Variants in SGCZ observed in about 807,000 individuals in gnomAD.
SGCZ encodes the protein sarcoglycan zeta.
Under a neutral mutation model 41.3 loss-of-function variants are expected in SGCZ, and 40 were observed. That is an observed-to-expected ratio of 0.97 (90% CI 0.75 to 1.26). SGCZ has a LOEUF of 1.26. SGCZ is among the 50% of genes most tolerant of loss of function. The probability of loss-of-function intolerance (pLI) is 0.00; values close to 1 mark genes in which losing one functional copy is unlikely to be tolerated. For synonymous variants in SGCZ, 206 were observed against 137.5 expected, an observed-to-expected ratio of 1.50 and a Z score of -3.49; for missense variants, 552 against 369.8, an observed-to-expected ratio of 1.49 and a Z score of -4.04.
At chr8:15,128,898 C>A (rs557774010) in intron 1 of SGCZ, among the ~76,000 whole-genome samples, 4 of 152,258 alleles carry the variant, frequency 2.6e-5, no homozygotes, top group African/African-American at 9.6e-5. Context: ...ATAAAACATT[C>A]TCTTCTCTGC....
chr8:14,975,809 A>ATATGTGTGTGTG (rs1181919961), intron 1 of SGCZ, among the ~76,000 whole-genome samples: 1 of 131,920 alleles, frequency 7.6e-6, no homozygotes, highest in African/African-American at 3.4e-5. Flanking sequence ...ATATATATAT[A>ATATGTGTGTGTG]TGTGTGTGTG....
intron 2 of SGCZ, among the ~76,000 whole-genome samples, chr8:14,550,418 G>C (rs368723252): frequency 6.6e-6 from 1 of 151,174 alleles, no homozygotes; most frequent in East Asian, 1.9e-4. Flanking sequence ...AGCAGGAAAA[G>C]TATTCAGGAT....
At chr8:15,161,576 T>C (rs959066622) in intron 1 of SGCZ, among the ~76,000 whole-genome samples, 2 of 152,148 alleles carry the variant, frequency 1.3e-5, no homozygotes, top group Non-Finnish European at 2.9e-5. Flanking sequence ...ATGAATTAAA[T>C]TTGTATGAAT....
intron 4 of SGCZ, among the ~76,000 whole-genome samples, chr8:14,228,157 A>G (rs1222248491): frequency 1.3e-5 from 2 of 152,104 alleles, no homozygotes; most frequent in African/African-American, 4.8e-5. Flanking sequence ...CCAAATTTCC[A>G]AAGACATGTT....
chr8:14,798,865 A>G (rs990566505), intron 1 of SGCZ, among the ~76,000 whole-genome samples: 3 of 151,956 alleles, frequency 2.0e-5, no homozygotes, highest in Non-Finnish European at 4.4e-5. Flanking sequence ...ATGTGTAGTA[A>G]AAATATGGGA....
intron 1 of SGCZ, among the ~76,000 whole-genome samples, chr8:14,868,760 T>A (rs115901912): frequency 0.024 from 3,581 of 151,976 alleles, 51 homozygotes; most frequent in Middle Eastern, 0.041. Flanking sequence ...TGTTTCTACT[T>A]GAAATATAAG....
At chr8:15,202,746 C>G (rs1800929589) in intron 1 of SGCZ, among the ~76,000 whole-genome samples, 1 of 152,152 alleles carries the variant, frequency 6.6e-6, no homozygotes, top group African/African-American at 2.4e-5. Flanking sequence ...TAGGAACTAT[C>G]AATACCTTTT....
intron 4 of SGCZ, among the ~76,000 whole-genome samples, chr8:14,218,969 C>T (rs569496230): frequency 1.3e-3 from 191 of 152,294 alleles, no homozygotes; most frequent in Non-Finnish European, 2.5e-3. Flanking sequence ...AAGAACTCAA[C>T]GTTGACCGTT....
intron 1 of SGCZ, among the ~76,000 whole-genome samples, chr8:14,725,465 C>G (rs1021310413): frequency 6.6e-6 from 1 of 152,164 alleles, no homozygotes; most frequent in Admixed American, 6.5e-5. Context: ...GATTCCCTTT[C>G]TCTGCATCCT....
chr8:14,615,891 C>T lies in SGCZ; in HGVS notation c.40-60965G>A, dbSNP rs1485674717. Among the ~76,000 whole-genome samples, 4 of 152,312 alleles carry T rather than the reference C, an allele frequency of 2.6e-5. No homozygotes were observed. In the East Asian group the frequency reaches 7.7e-4, roughly 29 times the overall value. ...CAATTCTATCCTGGGCCTATTCTCT[C>T]CTATCTCATTCCACTTTACTCTATT... On this transcript the variant is annotated intron_variant, in intron 1 of 7. Coordinates refer to ENST00000382080, the MANE Select transcript of SGCZ (RefSeq NM_139167.4).
At chr8:14,129,018 C>A (rs549434422) in intron 5 of SGCZ, among the ~76,000 whole-genome samples, 1 of 152,070 alleles carries the variant, frequency 6.6e-6, no homozygotes, top group African/African-American at 2.4e-5. Flanking sequence ...GCTAAAAGCC[C>A]AGACTTCACC....
At chr8:14,607,737 G>T (rs1433088556) in intron 1 of SGCZ, among the ~76,000 whole-genome samples, 1 of 152,138 alleles carries the variant, frequency 6.6e-6, no homozygotes, top group Non-Finnish European at 1.5e-5. Context: ...AAAGTTAAAA[G>T]TATCCAGAGG....
intron 5 of SGCZ, among the ~76,000 whole-genome samples, chr8:14,163,582 C>T (rs1007649259): frequency 2.0e-5 from 3 of 152,190 alleles, no homozygotes; most frequent in Non-Finnish European, 2.9e-5. Context: ...CATCACACAA[C>T]TACACACACA....
At chr8:14,947,314 G>A (rs768684348) in intron 1 of SGCZ, among the ~76,000 whole-genome samples, 8 of 152,174 alleles carry the variant, frequency 5.3e-5, no homozygotes, top group African/African-American at 1.9e-4. Context: ...GGATGGCACC[G>A]TTTTTATCAG....
At chr8:14,138,719 A>T (rs36042029) in intron 5 of SGCZ, among the ~76,000 whole-genome samples, 25,830 of 152,100 alleles carry the variant, frequency 0.17, 2,974 homozygotes, top group East Asian at 0.61. Context: ...CAAAGAAACT[A>T]AAACTCTCAC....
At chr8:15,031,587 G>C (rs1803664250) in intron 1 of SGCZ, among the ~76,000 whole-genome samples, 1 of 152,152 alleles carries the variant, frequency 6.6e-6, no homozygotes, top group Non-Finnish European at 1.5e-5. Context: ...AGAAAGTCAA[G>C]GAATATGTGC....
chr8:14,485,833 ATTTTTT>A (rs71209049), intron 2 of SGCZ, among the ~76,000 whole-genome samples: 1 of 103,368 alleles, frequency 9.7e-6, no homozygotes, highest in Non-Finnish European at 1.9e-5. Context: ...CTCTAGAACA[ATTTTTT>A]TTTTTTTTTT....
intron 1 of SGCZ, among the ~76,000 whole-genome samples, chr8:14,755,431 G>T (rs1442407722): frequency 2.0e-5 from 3 of 151,838 alleles, no homozygotes; most frequent in Admixed American, 6.6e-5. Flanking sequence ...GTGTCAGCTG[G>T]TTTTTCATAA....
chr8:14,142,361 T>A (rs939097247), intron 5 of SGCZ, among the ~76,000 whole-genome samples: 1 of 152,026 alleles, frequency 6.6e-6, no homozygotes, highest in Non-Finnish European at 1.5e-5. Flanking sequence ...ACACACAAAT[T>A]TTTTTTCTAA....
Sources: allele counts gnomAD v4.1 joint callset (sites outside exome capture counted in the v4.1 genomes callset), GRCh38; gene constraint gnomAD v4.1.1; transcripts MANE v1.5; gene names NCBI Gene and HGNC (gene_info 2026-07-23, HGNC 2026-07-21).